The following VPS13B variants were observed in gnomAD, a reference collection of about 807,000 sequenced individuals.
The protein encoded by VPS13B is intermembrane lipid transfer protein VPS13B.
A neutral mutation model predicts 426.4 loss-of-function variants in VPS13B; 285 were observed. The ratio of observed to expected loss-of-function variants is 0.67; its 90% CI spans 0.61 to 0.74. The LOEUF (loss-of-function observed/expected upper bound fraction) is 0.74, where lower values mean the gene tolerates loss of function less well. VPS13B is among the 30% of genes least tolerant of loss of function. The probability of loss-of-function intolerance (pLI) is 0.00; values close to 1 mark genes in which losing one functional copy is unlikely to be tolerated. For synonymous variants in VPS13B, 1,676 were observed against 1,676.4 expected, an observed-to-expected ratio of 1.00 and a Z score of 0.01; for missense variants, 4,537 against 4,782.6, an observed-to-expected ratio of 0.95 and a Z score of 1.51.
At chr8:99,134,372 C>G (rs1379117658) in intron 8 of VPS13B, among the ~76,000 whole-genome samples, 2 of 152,114 alleles carry the variant, frequency 1.3e-5, no homozygotes, top group Non-Finnish European at 2.9e-5. Flanking sequence ...TTATTGCACA[C>G]AGCTTTCACT....
rs1489103184 is a variant in VPS13B, at chr8:99,835,201, A to G, written c.9619A>G (p.Ile3207Val). The G allele has an allele frequency of 1.2e-6, 2 of 1,613,982 alleles. No individual in the cohort carries two copies. The highest frequency in any genetic ancestry group is 1.7e-6 in the Non-Finnish European group (2 of 1,179,954). Residue 3207 changes from isoleucine to valine, a missense_variant, in exon 53 of 62, where the codon ATA (isoleucine) becomes GTA (valine). By Grantham distance (29) the Ile-to-Val change is conservative. This residue lies in a region of VPS13B where 4,311 missense variants were observed against 4,474.3 expected (regional missense o/e 0.96). Transcript: ENST00000357162. ...FRENGFCTRA[I>V]VLTYQEHLGV... is the part of the protein sequence containing the mutation. ...TTTGACTTGATTCTCTTCCAGGGCTATAGTGCTGACATATCAAGAACACCT... is the reference window on the plus strand; with the variant it reads ...TTTGACTTGATTCTCTTCCAGGGCTGTAGTGCTGACATATCAAGAACACCT...
chr8:99,579,006 A>C (rs564089798), intron 33 of VPS13B, among the ~76,000 whole-genome samples: 42 of 152,346 alleles, frequency 2.8e-4, no homozygotes, highest in Non-Finnish European at 5.9e-4. Context: ...TTCTGCTTTA[A>C]AAAGGTATCT....
At chr8:99,458,795 G>A (rs532990234) in intron 23 of VPS13B, among the ~76,000 whole-genome samples, 6 of 152,164 alleles carry the variant, frequency 3.9e-5, no homozygotes, top group Non-Finnish European at 8.8e-5. Context: ...ATTTGTTTGA[G>A]TTCATTGTAG....
At chr8:99,094,730 T>C (rs988886222) in intron 3 of VPS13B, among the ~76,000 whole-genome samples, 1 of 152,250 alleles carries the variant, frequency 6.6e-6, no homozygotes, top group African/African-American at 2.4e-5. Flanking sequence ...TAGTACCCTG[T>C]TAGTTTGGTA....
Position 99,820,141 on chromosome 8 carries a change from C to G in VPS13B, c.8994+19C>G. On this transcript the variant is annotated intron_variant, in intron 49 of 61. Coordinates refer to ENST00000357162, the MANE Select transcript of VPS13B (RefSeq NM_152564.5). ...TTTTCAGGTACTATAACTTTTTTAA[C>G]TAATACGAATTCTTATCTCTCAACA... 1 of 1,605,506 alleles carries G rather than the reference C, an allele frequency of 6.2e-7. No individual in the cohort carries two copies. Among genetic ancestry groups the G allele is most frequent in the East Asian group, 2.2e-5 (1 of 44,796 alleles).
intron 33 of VPS13B, among the ~76,000 whole-genome samples, chr8:99,637,454 C>T (rs1829117587): frequency 1.3e-5 from 2 of 152,134 alleles, no homozygotes; most frequent in African/African-American, 2.4e-5. Context: ...CCAATGAAAG[C>T]CAGAGTCTTT....
chr8:99,297,939 T>C (rs1480407471), intron 19 of VPS13B, among the ~76,000 whole-genome samples: 1 of 152,172 alleles, frequency 6.6e-6, no homozygotes, highest in Non-Finnish European at 1.5e-5. Context: ...TTGGTGGATA[T>C]TTGGATATTG....
rs1262512560 is a variant in VPS13B at position 99,764,941 on chromosome 8, T to A, written c.7051-1833T>A. On this transcript the variant is annotated intron_variant, in intron 39 of 61. Coordinates refer to ENST00000357162, the MANE Select transcript of VPS13B (RefSeq NM_152564.5). Reference sequence around the variant, plus strand: ...TAAAACAAATTCTTAGAAGCATACTTCCTAGGGGAAAAAAAAAGTTTTGGC... The same window carrying A: ...TAAAACAAATTCTTAGAAGCATACTACCTAGGGGAAAAAAAAAGTTTTGGC... 3.9e-5 allele frequency among the ~76,000 whole-genome samples: 6 copies of A among 152,060 alleles called. No homozygotes were observed. The East Asian group carries it at 1.2e-3, about 29-fold the overall frequency.
At chr8:99,238,425 G>C (rs1409717918) in intron 17 of VPS13B, among the ~76,000 whole-genome samples, 5 of 152,160 alleles carry the variant, frequency 3.3e-5, no homozygotes, top group Non-Finnish European at 5.9e-5. Flanking sequence ...GAAAACTAAT[G>C]GCCATGGGGC....
At chr8:99,565,429 A>T (rs954454914) in intron 31 of VPS13B, among the ~76,000 whole-genome samples, 1 of 151,766 alleles carries the variant, frequency 6.6e-6, no homozygotes, top group South Asian at 2.1e-4. Flanking sequence ...TAGCAAGCTG[A>T]CTTTGAATCT....
At chr8:99,256,610 C>G (rs747370113) in intron 17 of VPS13B, among the ~76,000 whole-genome samples, 41 of 152,134 alleles carry the variant, frequency 2.7e-4, no homozygotes, top group Middle Eastern at 3.4e-3. Flanking sequence ...AGTAGTATCT[C>G]TTTGTCGTTT....
At chr8:99,414,560 T>C (rs1252680860) in intron 21 of VPS13B, among the ~76,000 whole-genome samples, 2 of 152,276 alleles carry the variant, frequency 1.3e-5, no homozygotes, top group South Asian at 2.1e-4. Flanking sequence ...CTGGTACTGG[T>C]TTTTCCTTTT....
chr8:99,204,593 T>A (rs866055933), intron 17 of VPS13B, among the ~76,000 whole-genome samples: 1 of 152,044 alleles, frequency 6.6e-6, no homozygotes, highest in Non-Finnish European at 1.5e-5. Context: ...TGGGAGAAAA[T>A]TTTTGTAATC....
At chr8:99,225,508 C>A (rs532087263) in intron 17 of VPS13B, among the ~76,000 whole-genome samples, 17 of 152,162 alleles carry the variant, frequency 1.1e-4, no homozygotes, top group Middle Eastern at 3.4e-3. Context: ...GATCTTCTGA[C>A]CTCGTGATCC....
intron 19 of VPS13B, among the ~76,000 whole-genome samples, chr8:99,320,238 A>G (rs550356955): frequency 2.0e-5 from 3 of 152,284 alleles, no homozygotes; most frequent in East Asian, 3.9e-4. Flanking sequence ...TAATAAGCAC[A>G]CTAATTTCCC....
chr8:99,537,726 C>T (rs1449024825), intron 30 of VPS13B, among the ~76,000 whole-genome samples: 1 of 152,052 alleles, frequency 6.6e-6, no homozygotes, highest in Admixed American at 6.6e-5. Flanking sequence ...AGCACCAGGC[C>T]AAAATGTTTG....
intron 23 of VPS13B, among the ~76,000 whole-genome samples, chr8:99,452,980 A>G (rs1588394797): frequency 6.6e-6 from 1 of 152,208 alleles, no homozygotes; most frequent in Non-Finnish European, 1.5e-5. Context: ...ACTGTGCCTA[A>G]GAGAGGTTTG....
At chr8:99,519,824 A>G (rs1161219156) in intron 29 of VPS13B, among the ~76,000 whole-genome samples, 1 of 151,704 alleles carries the variant, frequency 6.6e-6, no homozygotes, top group African/African-American at 2.4e-5. Flanking sequence ...GGGTGGATGG[A>G]TAGCATTAGG....
intron 39 of VPS13B, among the ~76,000 whole-genome samples, chr8:99,731,285 C>A (rs1833589471): frequency 6.6e-6 from 1 of 152,148 alleles, no homozygotes; most frequent in Non-Finnish European, 1.5e-5. Flanking sequence ...TGTGATATCC[C>A]TTCTATCTTC....
Sources: gnomAD v4.1 joint callset for allele counts (sites outside exome capture counted in the v4.1 genomes callset) on GRCh38, gnomAD v4.1.1 for gene constraint, gnomAD v4.1.1 regional missense constraint, MANE v1.5 for transcripts, NCBI Gene and HGNC (gene_info 2026-07-23, HGNC 2026-07-21) for gene names.